The following BCL2 variants were observed in gnomAD, a reference collection of about 807,000 sequenced individuals.
The protein encoded by BCL2 is BCL2 apoptosis regulator, also known as apoptosis regulator Bcl-2.
Under a neutral mutation model 14.2 loss-of-function variants are expected in BCL2, and 1 was observed. That is an observed-to-expected ratio of 0.07 (90% CI 0.02 to 0.33). BCL2 has a LOEUF of 0.33. Among genes scored for constraint, BCL2 ranks in the 10% least tolerant of loss-of-function variants. The probability of loss-of-function intolerance (pLI) is 0.99; values close to 1 mark genes in which losing one functional copy is unlikely to be tolerated. For synonymous variants in BCL2, 151 were observed against 137.2 expected (o/e 1.10, Z -0.70); for missense variants, 247 against 305.9 (o/e 0.81, Z 1.44).
intron 2 of BCL2, among the ~76,000 whole-genome samples, chr18:63,200,498 T>C (rs1909658577): frequency 6.6e-6 from 1 of 152,114 alleles, no homozygotes. Context: ...GACAACAGAT[T>C]GTCAAAGCCA....
intron 2 of BCL2, chr18:63,317,539 C>T (rs1913534849): frequency 4.1e-6 from 4 of 985,902 alleles, no homozygotes; most frequent in Middle Eastern, 1.0e-3. Context: ...CATTGGTTTT[C>T]CTCTTTTGGA....
chr18:63,307,315 G>T (rs1913174400), intron 2 of BCL2, among the ~76,000 whole-genome samples: 1 of 152,112 alleles, frequency 6.6e-6, no homozygotes, highest in Non-Finnish European at 1.5e-5. Flanking sequence ...CCGTACAAAA[G>T]GTATTTTCAA....
intron 2 of BCL2, chr18:63,151,055 A>AG (rs1037055737): frequency 2.0e-5 from 3 of 152,134 alleles, no homozygotes; most frequent in Admixed American, 6.5e-5. Flanking sequence ...TAATGCAATC[A>AG]GGGGCATTCC....
chr18:63,168,276 G>C (rs11152370), intron 2 of BCL2, among the ~76,000 whole-genome samples: 14,096 of 150,528 alleles, frequency 0.094, 1,128 homozygotes, highest in African/African-American at 0.21. Flanking sequence ...ACAGGACTGG[G>C]GTCAGGTGTG....
chr18:63,318,379 G>C lies in BCL2; in HGVS notation c.288C>G (p.Thr96=), dbSNP rs557922819. 6 of 1,594,646 alleles carry C rather than the reference G, an allele frequency of 3.8e-6. No homozygotes were observed. The African/African-American group carries it at 6.7e-5, about 18-fold the overall frequency. Residue 96 remains threonine, a synonymous_variant, in exon 2 of 3, where the codon ACC becomes ACG. Coordinates refer to ENST00000333681, the MANE Select transcript of BCL2 (RefSeq NM_000633.3). This position sits in a 1 kb window ranked among gnomAD's most constrained non-coding sequence, Gnocchi z 7.4. ...AGAAGTCGTCGCCGGCCTGGCGGAG[G>C]GTCAGGTGGACCACAGGTGGCACCG... is the stretch of plus-strand genomic sequence containing the variant. ...LSPVPPVVHL[T]LRQAGDDFSR...
At chr18:63,209,062 A>G (rs1909923050) in intron 2 of BCL2, among the ~76,000 whole-genome samples, 1 of 152,320 alleles carries the variant, frequency 6.6e-6, no homozygotes, top group South Asian at 2.1e-4. Flanking sequence ...CCTTTTCCCC[A>G]GTGCACAGTC....
chr18:63,208,708 T>A (rs546666619), intron 2 of BCL2, among the ~76,000 whole-genome samples: 1 of 152,308 alleles, frequency 6.6e-6, no homozygotes, highest in South Asian at 2.1e-4. Flanking sequence ...TAAGGAAAGC[T>A]GCATTGTTCC....
intron 2 of BCL2, chr18:63,302,302 A>C (rs1454734197): frequency 1.2e-5 from 3 of 248,660 alleles, no homozygotes; most frequent in Non-Finnish European, 1.7e-5. Context: ...ACTCCTTCTC[A>C]AAAAAAAAAA....
rs557610580 is a variant in BCL2 at position 63,126,779 on chromosome 18, C to T, written c.*1846G>A. The T allele has an allele frequency of 4.4e-6, 1 of 225,276 alleles. No individual in the cohort carries two copies. Among genetic ancestry groups the T allele is most frequent in the Admixed American group, 5.7e-5 (1 of 17,480 alleles). 14.0% of individuals were successfully genotyped at this position (225,276 alleles called of 1,614,324 possible). A position where few individuals can be genotyped will look rare whatever the true frequency, so the allele number is the denominator to read the frequency against. ...ATAGTGTATAGGCCATAACTAAATA[C>T]AATTAAAAACAAAAAAACGCTGAGA... On this transcript the variant is annotated 3_prime_UTR_variant, in exon 3 of 3. Transcript: ENST00000333681.
At chr18:63,176,480 T>G (rs1408112942) in intron 2 of BCL2, among the ~76,000 whole-genome samples, 1 of 152,144 alleles carries the variant, frequency 6.6e-6, no homozygotes, top group African/African-American at 2.4e-5. Flanking sequence ...ATTGAATGAG[T>G]GAGTGAACGA....
At chr18:63,179,914 C>T (rs984975357) in intron 2 of BCL2, among the ~76,000 whole-genome samples, 3 of 152,190 alleles carry the variant, frequency 2.0e-5, no homozygotes, top group Non-Finnish European at 2.9e-5. Context: ...TGTCCTTATT[C>T]TCTGATTGAT....
chr18:63,140,319 C>A (rs1914321761), intron 2 of BCL2, among the ~76,000 whole-genome samples: 1 of 152,218 alleles, frequency 6.6e-6, no homozygotes, highest in Admixed American at 6.5e-5. Flanking sequence ...ATTGAAATTG[C>A]ACGTTCACAC....
chr18:63,258,563 C>A (rs1325169072), intron 2 of BCL2, among the ~76,000 whole-genome samples: 1 of 152,206 alleles, frequency 6.6e-6, no homozygotes, highest in African/African-American at 2.4e-5. Context: ...GTTATCAGAA[C>A]AAAACCTGGC....
At chr18:63,272,707 G>T (rs377746361) in intron 2 of BCL2, among the ~76,000 whole-genome samples, 2 of 152,168 alleles carry the variant, frequency 1.3e-5, no homozygotes, top group East Asian at 3.8e-4. Flanking sequence ...CATGTGTTTA[G>T]AGAGGAATAT....
At chr18:63,295,914 T>C (rs1912784289) in intron 2 of BCL2, among the ~76,000 whole-genome samples, 1 of 152,150 alleles carries the variant, frequency 6.6e-6, no homozygotes, top group African/African-American at 2.4e-5. Flanking sequence ...GCCAGGAATT[T>C]TCCCTAACAG....
chr18:63,215,059 A>C (rs1054925910), intron 2 of BCL2, among the ~76,000 whole-genome samples: 8 of 152,132 alleles, frequency 5.3e-5, no homozygotes, highest in African/African-American at 1.9e-4. Context: ...CAACTCTAGA[A>C]AGCGATAATC....
chr18:63,256,294 G>A (rs1393804619), intron 2 of BCL2, among the ~76,000 whole-genome samples: 1 of 152,216 alleles, frequency 6.6e-6, no homozygotes, highest in Non-Finnish European at 1.5e-5. Context: ...TCAGCTCACT[G>A]CAACCTCCAC....
chr18:63,292,551 T>A (rs1912681952), intron 2 of BCL2, among the ~76,000 whole-genome samples: 1 of 152,198 alleles, frequency 6.6e-6, no homozygotes, highest in Non-Finnish European at 1.5e-5. Flanking sequence ...AGGGGGGGCT[T>A]GCGCACAGAA....
chr18:63,266,670 T>G (rs1208698372), intron 2 of BCL2, among the ~76,000 whole-genome samples: 2 of 150,172 alleles, frequency 1.3e-5, no homozygotes, highest in African/African-American at 2.5e-5. Flanking sequence ...AATATATATA[T>G]TTATACTACA....
Sources: gnomAD v4.1 joint callset for allele counts (sites outside exome capture counted in the v4.1 genomes callset) on GRCh38, gnomAD v4.1.1 for gene constraint, Gnocchi (gnomAD v3.1) non-coding constraint, MANE v1.5 for transcripts, NCBI Gene and HGNC (gene_info 2026-07-23, HGNC 2026-07-21) for gene names.